The following NAV3 variants were observed in gnomAD, a reference collection of about 807,000 sequenced individuals.
NAV3 encodes neuron navigator 3.
In NAV3, 87 loss-of-function variants were observed where a neutral mutation model predicts 244.7. The ratio of observed to expected loss-of-function variants is 0.36; its 90% confidence interval spans 0.30 to 0.42. NAV3 has a LOEUF of 0.42. NAV3 is among the 20% of genes least tolerant of loss of function. The pLI is 1.00. For missense variants in NAV3, 2,663 were observed against 2,893.3 expected (o/e 0.92, Z 1.83); for synonymous variants, 1,126 against 1,042.2 (o/e 1.08, Z -1.55).
intron 2 of NAV3, among the ~76,000 whole-genome samples, chr12:77,743,164 C>T (rs757160239): frequency 1.1e-4 from 16 of 151,830 alleles, no homozygotes; most frequent in Non-Finnish European, 2.2e-4. Flanking sequence ...ATGTATTTTC[C>T]CTTCCTTGTG....
intron 2 of NAV3, among the ~76,000 whole-genome samples, chr12:77,802,032 G>C (rs1871738473): frequency 6.6e-6 from 1 of 152,056 alleles, no homozygotes; most frequent in African/African-American, 2.4e-5. Context: ...TAGTCTCTTA[G>C]GGGCCCCATT....
chr12:78,035,824 G>T (rs1379868800), intron 9 of NAV3, among the ~76,000 whole-genome samples: 1 of 152,122 alleles, frequency 6.6e-6, no homozygotes, highest in East Asian at 1.9e-4. Flanking sequence ...TTCTTTAAAA[G>T]ATTAGGGAAG....
chr12:77,600,545 A>G (rs943813280), intron 2 of NAV3, among the ~76,000 whole-genome samples: 9 of 151,982 alleles, frequency 5.9e-5, no homozygotes, highest in Non-Finnish European at 1.2e-4. Flanking sequence ...TATGGTCTTG[A>G]GATCAGACCA....
intron 23 of NAV3, among the ~76,000 whole-genome samples, chr12:78,164,649 A>G (rs1392433004): frequency 6.6e-6 from 1 of 152,060 alleles, no homozygotes; most frequent in African/African-American, 2.4e-5. Flanking sequence ...TGGTCAATGT[A>G]ATTTATTTGA....
chr12:78,050,214 T>C, intron 10 of NAV3, 113 bp downstream of exon 10: 1 of 756,678 alleles, frequency 1.3e-6, no homozygotes, highest in Admixed American at 2.7e-5. Context: ...CTTACTATTT[T>C]CTCCCTTGTT....
chr12:78,105,455 T>A (rs1954754002), intron 12 of NAV3, among the ~76,000 whole-genome samples: 1 of 152,118 alleles, frequency 6.6e-6, no homozygotes, highest in African/African-American at 2.4e-5. Context: ...CAGGAAGGAC[T>A]CTCTCTGTAT....
intron 2 of NAV3, among the ~76,000 whole-genome samples, chr12:77,795,584 AG>A (rs1468581380): frequency 6.6e-6 from 1 of 152,160 alleles, no homozygotes; most frequent in African/African-American, 2.4e-5. Flanking sequence ...TGTGCAGTAT[AG>A]TTATACTGCA....
At chr12:78,140,019 G>C (rs186724745) in intron 19 of NAV3, among the ~76,000 whole-genome samples, 8 of 152,178 alleles carry the variant, frequency 5.3e-5, no homozygotes, top group Admixed American at 4.6e-4. Flanking sequence ...CAACATGTAC[G>C]AAACAGGCTG....
chr12:77,585,161 G>A (rs908860828), intron 2 of NAV3, among the ~76,000 whole-genome samples: 8 of 152,158 alleles, frequency 5.3e-5, no homozygotes, highest in African/African-American at 1.9e-4. Context: ...TGGTCTCAGA[G>A]AGAAGATGAT....
chr12:78,057,811 G>A (rs1190838186), intron 11 of NAV3, among the ~76,000 whole-genome samples: 1 of 152,110 alleles, frequency 6.6e-6, no homozygotes, highest in Non-Finnish European at 1.5e-5. Flanking sequence ...TAAGCAGTCT[G>A]GCTCTGGTCT....
chr12:77,782,970 A>T (rs1870739144), intron 2 of NAV3, among the ~76,000 whole-genome samples: 2 of 152,242 alleles, frequency 1.3e-5, no homozygotes, highest in Admixed American at 1.3e-4. Context: ...CGTGAGGTGA[A>T]GGTGGGAGGG....
chr12:77,822,396 A>C (rs1428928298), intron 2 of NAV3, among the ~76,000 whole-genome samples: 5 of 152,194 alleles, frequency 3.3e-5, no homozygotes, highest in Non-Finnish European at 5.9e-5. Flanking sequence ...ACCACAATAA[A>C]GACACATCTT....
intron 2 of NAV3, among the ~76,000 whole-genome samples, chr12:77,788,135 A>C (rs941349104): frequency 1.3e-5 from 2 of 152,212 alleles, no homozygotes; most frequent in Non-Finnish European, 2.9e-5. Flanking sequence ...TATAAAATAT[A>C]AATCATCGTC....
chr12:77,623,277 A>C (rs1398606734), intron 2 of NAV3, among the ~76,000 whole-genome samples: 1 of 152,224 alleles, frequency 6.6e-6, no homozygotes, highest in Non-Finnish European at 1.5e-5. Flanking sequence ...AAAAATAAGA[A>C]AGGCCTGTTT....
chr12:77,843,972 T>G (rs1876171178), intron 1 of NAV3, among the ~76,000 whole-genome samples: 1 of 152,180 alleles, frequency 6.6e-6, no homozygotes, highest in Non-Finnish European at 1.5e-5. Flanking sequence ...TACATAAAAT[T>G]TTTGCTGTGC....
rs759226222 is a variant in NAV3, at chr12:78,006,434, C to A, written c.896C>A (p.Pro299His). The change falls in exon 8 of 40, where the codon CCT becomes CAT. Residue 299 changes from proline to histidine, a missense_variant. Coordinates refer to ENST00000397909, the MANE Select transcript of NAV3 (RefSeq NM_001024383.2). ...NGNEKDSSKG[P>H]QSSSGVNGNV... ...CAATGTCCAGATTCCTCCAAAGGACCTCAATCGTCTTCAGGTGTAAATGGT... is the reference window on the plus strand; with the variant it reads ...CAATGTCCAGATTCCTCCAAAGGACATCAATCGTCTTCAGGTGTAAATGGT... 1.5e-5 allele frequency: 24 copies of A among 1,613,384 alleles called. No homozygotes were observed. The highest frequency in any genetic ancestry group is 1.9e-5 in the Non-Finnish European group (22 of 1,179,492).
chr12:78,110,751 C>T (rs1019027606), intron 12 of NAV3, among the ~76,000 whole-genome samples: 6 of 151,514 alleles, frequency 4.0e-5, no homozygotes, highest in Non-Finnish European at 7.4e-5. Flanking sequence ...ATAATGTTTT[C>T]TACATGTTCT....
chr12:77,739,104 T>A (rs930039124), intron 2 of NAV3, among the ~76,000 whole-genome samples: 2 of 151,712 alleles, frequency 1.3e-5, no homozygotes, highest in Non-Finnish European at 2.9e-5. Flanking sequence ...GTTGTGTGAT[T>A]TGAGGCAAGG....
intron 5 of NAV3, among the ~76,000 whole-genome samples, chr12:77,985,187 A>G (rs1224506195): frequency 2.0e-5 from 3 of 152,188 alleles, no homozygotes; most frequent in Non-Finnish European, 4.4e-5. Flanking sequence ...TGAAACAGTA[A>G]CCTCTGTGGG....
Sources: allele counts gnomAD v4.1 joint callset (sites outside exome capture counted in the v4.1 genomes callset), GRCh38; gene constraint gnomAD v4.1.1; transcripts MANE v1.5; gene names NCBI Gene and HGNC (gene_info 2026-07-23, HGNC 2026-07-21).